The following OR6B3 variants were observed in gnomAD, a reference collection of about 807,000 sequenced individuals.
The protein encoded by OR6B3 is olfactory receptor 6B3.
For missense variants in OR6B3, 315 were observed against 427.4 expected (o/e 0.74, Z 2.32); for synonymous variants, 148 against 187.8 (o/e 0.79, Z 1.73).
upstream of OR6B3, among the ~76,000 whole-genome samples, chr2:240,051,451 C>A (rs773132386): frequency 6.6e-6 from 1 of 152,216 alleles, no homozygotes; most frequent in African/African-American, 2.4e-5. Flanking sequence ...GGCCCAGATA[C>A]TTTGCCTGTG....
upstream of OR6B3, among the ~76,000 whole-genome samples, chr2:240,049,892 A>C: frequency 6.6e-6 from 1 of 152,202 alleles, no homozygotes; most frequent in East Asian, 1.9e-4. Context: ...TTTTCAGATG[A>C]GATAATCAAA....
exon 2 of OR6B3, chr2:240,045,620 A>T (rs769409391): frequency 1.4e-6 from 2 of 1,435,258 alleles, no homozygotes; most frequent in African/African-American, 2.8e-5. Flanking sequence ...TGGTGAAGCC[A>T]CTCACAAAGG....
chr2:240,045,395 C>T (rs1559434270), exon 2 of OR6B3: 1 of 1,614,130 alleles, frequency 6.2e-7, no homozygotes, highest in Non-Finnish European at 8.5e-7. Context: ...AGGGGATGCG[C>T]AGGACAGCCA....
chr2:240,050,914 T>C (rs752216703), upstream of OR6B3, among the ~76,000 whole-genome samples: 9 of 152,138 alleles, frequency 5.9e-5, no homozygotes, highest in Non-Finnish European at 1.2e-4. Context: ...TGAGAAAATA[T>C]ACACTTTTGT....
upstream of OR6B3, among the ~76,000 whole-genome samples, chr2:240,050,657 T>C (rs1261777517): frequency 7.2e-6 from 1 of 138,138 alleles, no homozygotes; most frequent in Admixed American, 8.7e-5. Context: ...GAGGTTGCAG[T>C]GGGCGGAGAT....
chr2:240,045,660 G>C, exon 2 of OR6B3: 2 of 1,336,626 alleles, frequency 1.5e-6, no homozygotes, highest in Non-Finnish European at 2.1e-6. Flanking sequence ...GCACAGCCCC[G>C]GGGTCACAAG....
At position 240,045,854 on chromosome 2, in the gene OR6B3, G is replaced by T. The variant is rs184051729; in HGVS notation, c.219C>A (p.Tyr73Ter). 23 of 1,612,338 alleles carry T rather than the reference G, an allele frequency of 1.4e-5. No individual in the cohort carries two copies. The highest frequency in any genetic ancestry group is 2.0e-5 in the Non-Finnish European group (23 of 1,178,882). ...GCATCTTGGGGGTGATGTCAGACAC[G>T]TACCAGATCTCTAGGAAAGACATGG... Residue 73 changes from tyrosine to a stop codon, truncating the protein, a stop_gained, in exon 2 of 2, where the codon TAC (tyrosine) becomes TAA (stop). Transcript: ENST00000641019. LOFTEE classifies it low-confidence loss of function (END_TRUNC).
chr2:240,048,611 T>C (rs111821153), upstream of OR6B3, among the ~76,000 whole-genome samples: 2,408 of 152,188 alleles, frequency 0.016, 60 homozygotes, highest in African/African-American at 0.055. Context: ...GAGCACTTCC[T>C]ACCATGCAGT....
chr2:240,050,481 G>A (rs188992228), upstream of OR6B3, among the ~76,000 whole-genome samples: 11 of 152,240 alleles, frequency 7.2e-5, no homozygotes, highest in Admixed American at 3.9e-4. Flanking sequence ...TTGGGAGGCC[G>A]AGGCGGGCAG....
the OR6B3 span, among the ~76,000 whole-genome samples, chr2:240,052,117 T>G: frequency 6.6e-6 from 1 of 152,278 alleles, no homozygotes; most frequent in East Asian, 1.9e-4. The surrounding 1 kb of genome is among the most constrained non-coding windows in gnomAD (Gnocchi z 4.5). Flanking sequence ...AAAATGAATA[T>G]CAAAAATGTA....
chr2:240,049,016 A>G (rs1698226415), upstream of OR6B3, among the ~76,000 whole-genome samples: 2 of 152,068 alleles, frequency 1.3e-5, no homozygotes, highest in Non-Finnish European at 2.9e-5. Flanking sequence ...GGGAGTCTGG[A>G]TCTCACAGTT....
At chr2:240,052,614 T>C in the OR6B3 span, among the ~76,000 whole-genome samples, 5 of 152,134 alleles carry the variant, frequency 3.3e-5, no homozygotes, top group Admixed American at 6.6e-5. This position sits in a 1 kb window ranked among gnomAD's most constrained non-coding sequence, Gnocchi z 4.5. Flanking sequence ...GTTCTTCATA[T>C]GTTACATCAG....
At chr2:240,045,604 T>C in exon 2 of OR6B3, 1 of 1,478,362 alleles carries the variant, frequency 6.8e-7, no homozygotes, top group Non-Finnish European at 9.4e-7. Context: ...ACCTTGATCA[T>C]GGAGATGGTG....
In OR6B3 at chr2:240,045,291, C is replaced by T. The variant is rs771193171; in HGVS notation, c.782G>A (p.Arg261Gln). The T allele has an allele frequency of 3.2e-5, 52 of 1,614,146 alleles. No individual in the cohort carries two copies. Among genetic ancestry groups the T allele is most frequent in the Admixed American group, 1.8e-4 (11 of 60,032 alleles). The change falls in exon 2 of 2, where the codon CGG (arginine) becomes CAG (glutamine). Residue 261 changes from arginine to glutamine, a missense_variant. Transcript: ENST00000641019. ...GCTCCGGGAATCAATGGCCTGGGGCCGGACATACATGAAAAGCAAGGCTGT... is the reference window on the plus strand; with the variant it reads ...GCTCCGGGAATCAATGGCCTGGGGCTGGACATACATGAAAAGCAAGGCTGT...
the OR6B3 span, among the ~76,000 whole-genome samples, chr2:240,052,711 A>G: frequency 6.6e-6 from 1 of 152,258 alleles, no homozygotes; most frequent in Non-Finnish European, 1.5e-5. The surrounding 1 kb of genome is among the most constrained non-coding windows in gnomAD (Gnocchi z 4.5). Flanking sequence ...ACGACAGGGT[A>G]GAGCCCAAGC....
exon 2 of OR6B3, chr2:240,045,227 G>A (rs1397518484): frequency 1.1e-5 from 17 of 1,614,228 alleles, no homozygotes; most frequent in Non-Finnish European, 1.4e-5. Context: ...TCAAGATGGG[G>A]GTGATAACTG....
At chr2:240,051,422 G>T (rs1371003036), upstream of OR6B3, among the ~76,000 whole-genome samples, 1 of 152,170 alleles carries the variant, frequency 6.6e-6, no homozygotes, top group Non-Finnish European at 1.5e-5. Flanking sequence ...TGTTAAAATT[G>T]CTTCAGAGAA....
upstream of OR6B3, among the ~76,000 whole-genome samples, chr2:240,048,057 T>C (rs975805521): frequency 2.6e-5 from 4 of 152,194 alleles, no homozygotes; most frequent in South Asian, 2.1e-4. Flanking sequence ...ATAAGTAATA[T>C]GAATTCAACA....
At chr2:240,048,051 G>A (rs1173673598), upstream of OR6B3, among the ~76,000 whole-genome samples, 1 of 152,160 alleles carries the variant, frequency 6.6e-6, no homozygotes, top group African/African-American at 2.4e-5. Flanking sequence ...ATATAAATAA[G>A]TAATATGAAT....
Sources: allele counts gnomAD v4.1 joint callset (sites outside exome capture counted in the v4.1 genomes callset), GRCh38; gene constraint gnomAD v4.1.1; non-coding constraint Gnocchi (gnomAD v3.1); transcripts MANE v1.5; gene names NCBI Gene and HGNC (gene_info 2026-07-23, HGNC 2026-07-21).